The following PDZD2 variants were observed in gnomAD, a reference collection of about 807,000 sequenced individuals.
PDZD2 encodes the protein PDZ domain-containing protein 2.
A neutral mutation model predicts 220.7 loss-of-function variants in PDZD2; 90 were observed. The ratio of observed to expected loss-of-function variants is 0.41; its 90% confidence interval spans 0.34 to 0.49. The LOEUF (loss-of-function observed/expected upper bound fraction) is 0.49. Among genes scored for constraint, PDZD2 ranks in the 20% least tolerant of loss-of-function variants. The pLI is 0.28. For synonymous variants in PDZD2, 1,375 were observed against 1,450.5 expected (o/e 0.95, Z 1.18); for missense variants, 3,174 against 3,608.5 (o/e 0.88, Z 3.08).
At chr5:32,028,541 A>G (rs1203741100) in intron 6 of PDZD2, among the ~76,000 whole-genome samples, 4 of 152,088 alleles carry the variant, frequency 2.6e-5, no homozygotes, top group Admixed American at 6.6e-5. Flanking sequence ...TAATCCAAAG[A>G]TCTTAAAATC....
chr5:32,095,097 AGAG>A (rs1358266862), intron 21 of PDZD2, among the ~76,000 whole-genome samples: 7 of 152,330 alleles, frequency 4.6e-5, no homozygotes, highest in East Asian at 1.9e-4. Context: ...ATGAAATGTC[AGAG>A]GAGAAGACCA....
intron 1 of PDZD2, among the ~76,000 whole-genome samples, chr5:31,750,649 G>A (rs533773287): frequency 3.9e-5 from 6 of 152,240 alleles, no homozygotes; most frequent in Middle Eastern, 3.4e-3. Flanking sequence ...GCAGATCCAC[G>A]GATAGTTTCA....
At chr5:31,702,186 T>A (rs141599796) in intron 1 of PDZD2, among the ~76,000 whole-genome samples, 181 of 152,334 alleles carry the variant, frequency 1.2e-3, no homozygotes, top group African/African-American at 4.2e-3. Flanking sequence ...GTGAGAGTTA[T>A]GGAGTTTTAT....
At chr5:31,979,653 G>A (rs534564698) in intron 2 of PDZD2, among the ~76,000 whole-genome samples, 6 of 152,166 alleles carry the variant, frequency 3.9e-5, no homozygotes, top group African/African-American at 1.4e-4. Context: ...CTGTTGGGAT[G>A]ACTTGCTCCT....
At chr5:31,977,850 C>G (rs556560378) in intron 2 of PDZD2, among the ~76,000 whole-genome samples, 2 of 152,028 alleles carry the variant, frequency 1.3e-5, no homozygotes, top group African/African-American at 2.4e-5. Flanking sequence ...AGCGTGCACC[C>G]GTAATCCCAG....
chr5:32,107,903 T>C (rs1404477363), intron 24 of PDZD2, 66 bp from the exon 25 acceptor site: 2 of 1,086,462 alleles, frequency 1.8e-6, no homozygotes, highest in Non-Finnish European at 2.7e-6. Context: ...AGTTTTTAGT[T>C]TACTTAGGAT....
chr5:31,777,813 T>C (rs1752794064), intron 1 of PDZD2, among the ~76,000 whole-genome samples: 1 of 152,170 alleles, frequency 6.6e-6, no homozygotes, highest in South Asian at 2.1e-4. Context: ...CAGCACTCTG[T>C]ATCTAGCTAA....
intron 3 of PDZD2, among the ~76,000 whole-genome samples, chr5:31,988,554 G>A (rs1182637806): frequency 2.0e-5 from 3 of 151,788 alleles, no homozygotes. Flanking sequence ...TTTGTATGAA[G>A]GCTTCATCCT....
intron 1 of PDZD2, among the ~76,000 whole-genome samples, chr5:31,771,520 G>C (rs1222913920): frequency 6.6e-6 from 1 of 152,176 alleles, no homozygotes; most frequent in Non-Finnish European, 1.5e-5. Flanking sequence ...AGAGGGTATG[G>C]AGTTAAGATG....
intron 1 of PDZD2, among the ~76,000 whole-genome samples, chr5:31,794,728 A>G (rs1003143306): frequency 2.0e-5 from 3 of 152,086 alleles, no homozygotes; most frequent in Non-Finnish European, 4.4e-5. Flanking sequence ...TCTTTTAAAA[A>G]ATTTTTTTTT....
rs1323515869 is a variant in PDZD2, at chr5:32,090,715, C to T, written c.7267C>T (p.Leu2423=). The T allele has an allele frequency of 9.3e-6, 15 of 1,614,070 alleles. No individual in the cohort carries two copies. Among genetic ancestry groups the T allele is most frequent in the Middle Eastern group, 1.6e-4 (1 of 6,084 alleles). The stretch of plus-strand genomic sequence containing the variant: ...GGCCAAGTCTCCCTCAATCATGACA[C>T]TGACCATCTCTCGGCAGAACCCACC... The part of the protein sequence containing the change: ...QMAKSPSIMT[L]TISRQNPPET... The change falls in exon 20 of 25, where the codon CTG becomes TTG. Residue 2423 remains leucine, a synonymous_variant. Coordinates refer to ENST00000438447, the MANE Select transcript of PDZD2 (RefSeq NM_178140.4). The surrounding 1 kb of genome is among the most constrained non-coding windows in gnomAD (Gnocchi z 4.3).
At chr5:31,791,958 G>T (rs1004382617) in intron 1 of PDZD2, among the ~76,000 whole-genome samples, 63 of 152,268 alleles carry the variant, frequency 4.1e-4, no homozygotes, top group African/African-American at 1.3e-3. Flanking sequence ...CGACACAGGG[G>T]TTTATTTTTC....
intron 5 of PDZD2, among the ~76,000 whole-genome samples, chr5:32,001,031 A>T (rs1202171756): frequency 6.6e-6 from 1 of 152,154 alleles, no homozygotes; most frequent in East Asian, 1.9e-4. Flanking sequence ...CACGCAACAG[A>T]TCTAGGTTGC....
intron 4 of PDZD2, among the ~76,000 whole-genome samples, chr5:31,999,868 G>A (rs1187018912): frequency 6.6e-6 from 1 of 152,152 alleles, no homozygotes; most frequent in Non-Finnish European, 1.5e-5. Context: ...CACCTGGATG[G>A]GAGTTTCACT....
chr5:31,676,878 G>A (rs1253931558), intron 1 of PDZD2, among the ~76,000 whole-genome samples: 3 of 151,932 alleles, frequency 2.0e-5, no homozygotes, highest in Admixed American at 1.3e-4. Flanking sequence ...CAAGTGACTC[G>A]TCTAAGGCAT....
chr5:31,865,485 A>AT (rs1738130611), intron 2 of PDZD2, among the ~76,000 whole-genome samples: 1 of 150,318 alleles, frequency 6.7e-6, no homozygotes, highest in African/African-American at 2.4e-5. Flanking sequence ...GCTCATTTTT[A>AT]TTTTTTTGTA....
intron 2 of PDZD2, chr5:31,908,765 C>G: frequency 1.1e-6 from 1 of 933,174 alleles, no homozygotes; most frequent in Non-Finnish European, 1.7e-6. Flanking sequence ...CCAGTTCTGG[C>G]CGGGCGTGGT....
rs1222278509 is a variant in PDZD2, at chr5:31,639,263, A to G, written c.-535A>G. 1 of 150,714 alleles carries G rather than the reference A, an allele frequency of 6.6e-6. No individual in the cohort carries two copies. The highest frequency in any genetic ancestry group is 2.4e-5 in the African/African-American group (1 of 41,254). The allele number at this position is 150,714 out of a possible 1,614,324, so 9.3% of individuals were successfully genotyped here. ...AGGAGCCGCAGGCCGAACCCAAGGC[A>G]CCGGGATTGCGCCTCCCGCGGCTGC... On this transcript the variant is annotated 5_prime_UTR_variant, in exon 1 of 25. Transcript: ENST00000438447. This position sits in a 1 kb window ranked among gnomAD's most constrained non-coding sequence, Gnocchi z 4.1.
intron 2 of PDZD2, among the ~76,000 whole-genome samples, chr5:31,977,039 G>A (rs1320257762): frequency 1.4e-5 from 2 of 145,438 alleles, no homozygotes; most frequent in Non-Finnish European, 3.0e-5. Flanking sequence ...TTTTTTTAAA[G>A]TAGAGACAGC....
Sources: allele counts gnomAD v4.1 joint callset (sites outside exome capture counted in the v4.1 genomes callset), GRCh38; gene constraint gnomAD v4.1.1; non-coding constraint Gnocchi (gnomAD v3.1); transcripts MANE v1.5; gene names NCBI Gene and HGNC (gene_info 2026-07-23, HGNC 2026-07-21).